Variants in PCDH9 observed in about 807,000 individuals in gnomAD.
PCDH9 encodes the protein protocadherin 9.
PCDH9 carries 24 observed loss-of-function variants against 70.6 expected under a neutral mutation model. The observed-to-expected ratio is 0.34, with a 90% CI of 0.25 to 0.48. PCDH9 has a LOEUF of 0.48. PCDH9 is among the 20% of genes least tolerant of loss of function. The pLI is 0.99. For synonymous variants in PCDH9, 562 were observed against 558.5 expected (o/e 1.01, Z -0.09); for missense variants, 1,281 against 1,503.6 (o/e 0.85, Z 2.45).
At chr13:66,969,041 G>T (rs898664456) in intron 2 of PCDH9, among the ~76,000 whole-genome samples, 2 of 151,858 alleles carry the variant, frequency 1.3e-5, no homozygotes, top group Non-Finnish European at 2.9e-5. Context: ...TTGTTTCCCT[G>T]AAATAGAGGA....
intron 2 of PCDH9, among the ~76,000 whole-genome samples, chr13:66,952,931 C>G (rs944918572): frequency 6.6e-6 from 1 of 152,146 alleles, no homozygotes; most frequent in Non-Finnish European, 1.5e-5. Context: ...TGTCTCTTGG[C>G]TTCAGAAAAA....
intron 2 of PCDH9, among the ~76,000 whole-genome samples, chr13:67,175,102 C>T (rs1324642055): frequency 1.3e-5 from 2 of 151,994 alleles, no homozygotes; most frequent in East Asian, 3.9e-4. Context: ...TGCCACCACA[C>T]TCCAGCCTGG....
At chr13:66,752,984 A>G (rs185322351) in intron 3 of PCDH9, among the ~76,000 whole-genome samples, 9 of 152,308 alleles carry the variant, frequency 5.9e-5, no homozygotes, top group African/African-American at 1.9e-4. Flanking sequence ...CAAGTAGGCA[A>G]TTGGAGCCAG....
intron 2 of PCDH9, 89 bp downstream of exon 2, chr13:67,225,316 A>T (rs763621203): frequency 1.5e-5 from 21 of 1,427,506 alleles, no homozygotes; most frequent in Non-Finnish European, 1.8e-5. Flanking sequence ...CTAAAGTTAG[A>T]CCAAAACAAT....
At chr13:67,028,469 G>GATGAC (rs1476344961) in intron 2 of PCDH9, among the ~76,000 whole-genome samples, 2 of 151,210 alleles carry the variant, frequency 1.3e-5, no homozygotes, top group Admixed American at 6.6e-5. Flanking sequence ...CTTAGTGCTA[G>GATGAC]ATGACGAGTT....
In PCDH9 at chr13:66,505,112, C is replaced by T. The variant is rs565488713; in HGVS notation, c.3340+126098G>A. Among the ~76,000 whole-genome samples, 7 of 152,298 alleles carry T rather than the reference C, an allele frequency of 4.6e-5. No individual in the cohort carries two copies. In the South Asian group the frequency reaches 1.2e-3, roughly 27 times the overall value. On this transcript the variant is annotated intron_variant, in intron 4 of 4. Transcript: ENST00000377865. ...TAATTTATTTCATTTCTCTAGGACACTCTTCCTATGTTTCTCAGTCTTAGA... is the reference window on the plus strand; with the variant it reads ...TAATTTATTTCATTTCTCTAGGACATTCTTCCTATGTTTCTCAGTCTTAGA...
At chr13:66,896,176 A>G (rs1566274605) in intron 3 of PCDH9, among the ~76,000 whole-genome samples, 1 of 152,198 alleles carries the variant, frequency 6.6e-6, no homozygotes, top group African/African-American at 2.4e-5. Context: ...GGTGATGATC[A>G]ATCTTTATAG....
chr13:67,065,270 A>G (rs2085624640), intron 2 of PCDH9, among the ~76,000 whole-genome samples: 1 of 152,176 alleles, frequency 6.6e-6, no homozygotes, highest in Non-Finnish European at 1.5e-5. Flanking sequence ...TTTAAAGAGC[A>G]CACTCTAAGA....
chr13:66,929,416 C>G (rs554487378), intron 2 of PCDH9, among the ~76,000 whole-genome samples: 2 of 152,080 alleles, frequency 1.3e-5, no homozygotes, highest in Non-Finnish European at 2.9e-5. Flanking sequence ...CTCCACCTCC[C>G]GGGTTCAAGC....
intron 3 of PCDH9, among the ~76,000 whole-genome samples, chr13:66,759,051 ACCT>A (rs1343238548): frequency 6.7e-6 from 1 of 149,652 alleles, no homozygotes; most frequent in Non-Finnish European, 1.5e-5. Context: ...AATTTAGTTG[ACCT>A]CCTCAAAAAG....
intron 4 of PCDH9, among the ~76,000 whole-genome samples, chr13:66,491,384 A>AG (rs1566366713): frequency 4.2e-4 from 8 of 19,010 alleles, no homozygotes; most frequent in Non-Finnish European, 6.0e-4. Flanking sequence ...GGCAGGAGAT[A>AG]TTGTGTGTGT....
intron 3 of PCDH9, among the ~76,000 whole-genome samples, chr13:66,900,445 G>A (rs2139591529): frequency 6.6e-6 from 1 of 151,888 alleles, no homozygotes; most frequent in Middle Eastern, 3.4e-3. Flanking sequence ...TAAATTGGCA[G>A]CATTTTACCC....
intron 4 of PCDH9, among the ~76,000 whole-genome samples, chr13:66,437,411 A>G (rs1235269476): frequency 1.4e-5 from 2 of 140,498 alleles, no homozygotes; most frequent in African/African-American, 5.9e-5. Flanking sequence ...TCTCAAAAAA[A>G]AAAAAAAAAA....
At chr13:66,892,383 A>T (rs2082111373) in intron 3 of PCDH9, among the ~76,000 whole-genome samples, 1 of 151,816 alleles carries the variant, frequency 6.6e-6, no homozygotes, top group Admixed American at 6.6e-5. Context: ...TGTCCATTTT[A>T]TGCAAAATTC....
intron 2 of PCDH9, among the ~76,000 whole-genome samples, chr13:67,078,892 C>G (rs2085930011): frequency 6.6e-6 from 1 of 152,072 alleles, no homozygotes; most frequent in African/African-American, 2.4e-5. Flanking sequence ...TGAAATAAAT[C>G]AGAAAGCAAT....
At chr13:66,652,008 C>T (rs757477913) in intron 3 of PCDH9, among the ~76,000 whole-genome samples, 3 of 151,962 alleles carry the variant, frequency 2.0e-5, no homozygotes, top group South Asian at 4.1e-4. Context: ...AATAACGTAC[C>T]GCAATACAAT....
intron 4 of PCDH9, among the ~76,000 whole-genome samples, chr13:66,520,685 A>C (rs542461755): frequency 1.3e-5 from 2 of 152,330 alleles, no homozygotes; most frequent in East Asian, 3.9e-4. Flanking sequence ...TTTATGCCTC[A>C]GGGCTTATCA....
At chr13:66,503,971 C>G (rs1013763660) in intron 4 of PCDH9, among the ~76,000 whole-genome samples, 1 of 152,172 alleles carries the variant, frequency 6.6e-6, no homozygotes, top group African/African-American at 2.4e-5. Context: ...AGAAGTCAGG[C>G]TGTGTCGTAA....
At chr13:66,658,834 T>C (rs988179514) in intron 3 of PCDH9, among the ~76,000 whole-genome samples, 1 of 152,196 alleles carries the variant, frequency 6.6e-6, no homozygotes, top group Non-Finnish European at 1.5e-5. Context: ...AGAACGAACA[T>C]TTTTAAAGCA....
Sources: allele counts gnomAD v4.1 joint callset (sites outside exome capture counted in the v4.1 genomes callset), GRCh38; gene constraint gnomAD v4.1.1; transcripts MANE v1.5; gene names NCBI Gene and HGNC (gene_info 2026-07-23, HGNC 2026-07-21).